The following SDK1 variants were observed in gnomAD, a reference collection of about 807,000 sequenced individuals.
The protein encoded by SDK1 is protein sidekick-1.
Under a neutral mutation model 245.5 loss-of-function variants are expected in SDK1, and 157 were observed. The ratio of observed to expected loss-of-function variants is 0.64; its 90% CI spans 0.56 to 0.73. The LOEUF is 0.73. SDK1 is among the 30% of genes least tolerant of loss of function. The pLI is 0.00. For synonymous variants in SDK1, 1,647 were observed against 1,278.5 expected (o/e 1.29, Z -6.15); for missense variants, 3,583 against 3,002.3 (o/e 1.19, Z -4.52).
chr7:3,821,778 T>C (rs1402462920), intron 5 of SDK1, among the ~76,000 whole-genome samples, 195 bp downstream of exon 5: 1 of 151,978 alleles, frequency 6.6e-6, no homozygotes, highest in Non-Finnish European at 1.5e-5. Context: ...TGCGGAAAAA[T>C]GTGAATCTCA....
intron 22 of SDK1, among the ~76,000 whole-genome samples, chr7:4,095,541 C>T (rs1398146557): frequency 6.6e-6 from 1 of 152,034 alleles, no homozygotes; most frequent in Non-Finnish European, 1.5e-5. Flanking sequence ...TGTCAAGTTG[C>T]TCCTTTATTT....
chr7:4,010,811 A>C (rs1162654659), intron 14 of SDK1, among the ~76,000 whole-genome samples, 155 bp from the exon 15 acceptor site: 1 of 152,224 alleles, frequency 6.6e-6, no homozygotes, highest in Non-Finnish European at 1.5e-5. Flanking sequence ...CCAGAGCCTC[A>C]GTTTCCACAC....
chr7:3,471,248 C>G (rs906469698), intron 1 of SDK1, among the ~76,000 whole-genome samples: 3 of 152,098 alleles, frequency 2.0e-5, no homozygotes, highest in Non-Finnish European at 2.9e-5. Flanking sequence ...TGAGTCTGAA[C>G]ATTTTCTTAT....
At chr7:3,984,469 C>T (rs917101140) in intron 13 of SDK1, among the ~76,000 whole-genome samples, 2 of 152,196 alleles carry the variant, frequency 1.3e-5, no homozygotes, top group African/African-American at 4.8e-5. Context: ...AGAATTCGAT[C>T]AAACATAACC....
chr7:3,475,810 C>T (rs1781332632), intron 1 of SDK1, among the ~76,000 whole-genome samples: 1 of 152,100 alleles, frequency 6.6e-6, no homozygotes, highest in South Asian at 2.1e-4. Flanking sequence ...AGTGGAACTG[C>T]ATTTAAAAAT....
At chr7:3,319,686 A>G (rs939211682) in intron 1 of SDK1, among the ~76,000 whole-genome samples, 1 of 152,022 alleles carries the variant, frequency 6.6e-6, no homozygotes, top group Non-Finnish European at 1.5e-5. Flanking sequence ...GATGGCCTGC[A>G]TGTCTCTGGT....
intron 1 of SDK1, among the ~76,000 whole-genome samples, chr7:3,572,376 C>G (rs1056038847): frequency 6.6e-6 from 1 of 151,958 alleles, no homozygotes; most frequent in African/African-American, 2.4e-5. Flanking sequence ...ATCATCCAGC[C>G]CCTCAGAGCA....
intron 17 of SDK1, among the ~76,000 whole-genome samples, chr7:4,041,350 T>C (rs1050262540): frequency 3.1e-4 from 47 of 149,276 alleles, no homozygotes; most frequent in African/African-American, 1.2e-3. Flanking sequence ...GTTAAAAGAG[T>C]TTTGATATAC....
At chr7:3,897,602 C>G (rs183228716) in intron 5 of SDK1, among the ~76,000 whole-genome samples, 3 of 152,220 alleles carry the variant, frequency 2.0e-5, no homozygotes, top group South Asian at 4.1e-4. Context: ...TTTCATGTGA[C>G]GGACACTTGG....
chr7:3,427,867 G>A (rs1226151279), intron 1 of SDK1, among the ~76,000 whole-genome samples: 1 of 110,534 alleles, frequency 9.0e-6, no homozygotes. Flanking sequence ...GATGTCGTTA[G>A]TGTCTCTTAG....
intron 14 of SDK1, 139 bp downstream of exon 14, chr7:3,987,461 A>T: frequency 1.1e-6 from 1 of 887,002 alleles, no homozygotes; most frequent in East Asian, 2.5e-5. Context: ...TTTCAAACAC[A>T]GCCTGCCCTT....
chr7:3,761,267 T>C (rs1210110471), intron 4 of SDK1, among the ~76,000 whole-genome samples: 1 of 143,520 alleles, frequency 7.0e-6, no homozygotes, highest in African/African-American at 2.8e-5. Flanking sequence ...CTCCTTTTTT[T>C]TTTTTTTTTT....
chr7:3,966,478 C>T (rs1249022431), intron 9 of SDK1, among the ~76,000 whole-genome samples: 1 of 152,042 alleles, frequency 6.6e-6, no homozygotes, highest in Non-Finnish European at 1.5e-5. Context: ...CCTGTCTTTC[C>T]TCGGTCTGAC....
At chr7:3,768,821 A>G (rs1304633702) in intron 4 of SDK1, among the ~76,000 whole-genome samples, 1 of 152,124 alleles carries the variant, frequency 6.6e-6, no homozygotes, top group Non-Finnish European at 1.5e-5. Flanking sequence ...TACCCTCTCC[A>G]TGACCCAAAT....
intron 5 of SDK1, among the ~76,000 whole-genome samples, chr7:3,836,471 A>AT (rs1780031051): frequency 6.6e-6 from 1 of 152,228 alleles, no homozygotes; most frequent in Admixed American, 6.5e-5. Context: ...CATCATAGGC[A>AT]TTGAGGATAT....
chr7:3,637,697 G>C (rs141591025), intron 2 of SDK1, among the ~76,000 whole-genome samples: 66 of 152,258 alleles, frequency 4.3e-4, no homozygotes, highest in African/African-American at 1.5e-3. Context: ...ATTTAGACAG[G>C]CATGGATTTG....
At chr7:3,971,401 C>G in intron 11 of SDK1, 65 bp from the exon 12 acceptor site, 3 of 1,088,676 alleles carry the variant, frequency 2.8e-6, no homozygotes, top group South Asian at 2.6e-5. Context: ...GGGCATTATC[C>G]CCCCTGAGGG....
At chr7:3,411,857 A>G (rs1312294026) in intron 1 of SDK1, among the ~76,000 whole-genome samples, 1 of 152,168 alleles carries the variant, frequency 6.6e-6, no homozygotes, top group Non-Finnish European at 1.5e-5. Flanking sequence ...TTTGTTCACT[A>G]GGTATGAACC....
intron 5 of SDK1, among the ~76,000 whole-genome samples, chr7:3,881,863 T>C (rs761526601): frequency 8.5e-5 from 13 of 152,196 alleles, no homozygotes; most frequent in Non-Finnish European, 1.8e-4. Flanking sequence ...TCCCTTCACA[T>C]TGAGGGATGG....
Sources: allele counts gnomAD v4.1 joint callset (sites outside exome capture counted in the v4.1 genomes callset), GRCh38; gene constraint gnomAD v4.1.1; transcripts MANE v1.5; gene names NCBI Gene and HGNC (gene_info 2026-07-23, HGNC 2026-07-21).